The following FBN2 variants were observed in gnomAD, a reference collection of about 807,000 sequenced individuals.
FBN2 encodes the protein fibrillin-2.
FBN2 carries 105 observed loss-of-function variants against 355.6 expected under a neutral mutation model. The ratio of observed to expected loss-of-function variants is 0.30; its 90% CI spans 0.25 to 0.35. The LOEUF (loss-of-function observed/expected upper bound fraction) is 0.35. FBN2 is among the 10% of genes least tolerant of loss of function. The pLI is 1.00. For missense variants in FBN2, 3,280 were observed against 3,758.7 expected, an observed-to-expected ratio of 0.87 and a Z score of 3.33; for synonymous variants, 1,350 against 1,301.2, an observed-to-expected ratio of 1.04 and a Z score of -0.81.
intron 31 of FBN2, among the ~76,000 whole-genome samples, chr5:128,333,906 T>C (rs989030161): frequency 1.3e-5 from 2 of 149,084 alleles, no homozygotes; most frequent in African/African-American, 4.9e-5. Flanking sequence ...CTGTCAGTGG[T>C]GAACATGCAA....
intron 25 of FBN2, among the ~76,000 whole-genome samples, chr5:128,341,500 G>A (rs746209000): frequency 3.3e-5 from 5 of 152,160 alleles, no homozygotes; most frequent in African/African-American, 7.2e-5. Flanking sequence ...TGGTAGTGTC[G>A]CTGGCAGAAA....
intron 12 of FBN2, 32 bp from the exon 13 acceptor site, chr5:128,377,909 C>A (rs1267226651): frequency 6.3e-7 from 1 of 1,587,142 alleles, no homozygotes; most frequent in Admixed American, 1.7e-5. Context: ...AAACATCATT[C>A]TTTTACAATA....
At chr5:128,536,753 T>C (rs2112809664) in intron 1 of FBN2, among the ~76,000 whole-genome samples, 1 of 152,218 alleles carries the variant, frequency 6.6e-6, no homozygotes. Context: ...CATGGAAACA[T>C]ATAATTTGCT....
chr5:128,512,218 G>A (rs1756148842), intron 5 of FBN2, among the ~76,000 whole-genome samples: 2 of 152,082 alleles, frequency 1.3e-5, no homozygotes, highest in African/African-American at 4.8e-5. Context: ...TTTTATCTAA[G>A]ACAGCATATC....
At chr5:128,478,227 G>C (rs140453782) in intron 5 of FBN2, among the ~76,000 whole-genome samples, 1 of 152,110 alleles carries the variant, frequency 6.6e-6, no homozygotes, top group Non-Finnish European at 1.5e-5. Context: ...GACAATACTG[G>C]CCAAGTGTCT....
intron 7 of FBN2, among the ~76,000 whole-genome samples, chr5:128,411,176 A>G (rs1385459344): frequency 6.6e-6 from 1 of 152,132 alleles, no homozygotes; most frequent in African/African-American, 2.4e-5. Context: ...GGATGCCGGC[A>G]GGAACAAACC....
intron 5 of FBN2, among the ~76,000 whole-genome samples, chr5:128,465,752 T>C (rs958636078): frequency 6.6e-6 from 1 of 152,200 alleles, no homozygotes; most frequent in South Asian, 2.1e-4. Context: ...AGTAAATGTA[T>C]GGCATGTGTG....
intron 6 of FBN2, among the ~76,000 whole-genome samples, chr5:128,447,073 T>G (rs1754085161): frequency 6.6e-6 from 1 of 152,226 alleles, no homozygotes; most frequent in Non-Finnish European, 1.5e-5. Context: ...TGTCTGTCTT[T>G]ACTTTAATCT....
chr5:128,485,430 G>A (rs1216262768), intron 5 of FBN2, among the ~76,000 whole-genome samples: 1 of 152,068 alleles, frequency 6.6e-6, no homozygotes, highest in Non-Finnish European at 1.5e-5. Flanking sequence ...GCAAATTGCT[G>A]TACATTTATG....
At chr5:128,312,548 C>T (rs2126847453) in intron 37 of FBN2, 86 bp downstream of exon 37, 1 of 1,481,502 alleles carries the variant, frequency 6.7e-7, no homozygotes, top group South Asian at 1.2e-5. Flanking sequence ...TCACTAAACA[C>T]TCCTCACTCC....
chr5:128,294,403 G>C (rs995922336), intron 48 of FBN2, among the ~76,000 whole-genome samples: 8 of 152,146 alleles, frequency 5.3e-5, no homozygotes, highest in African/African-American at 1.9e-4. Flanking sequence ...GATCCCTGAG[G>C]AATCGCCACA....
At chr5:128,407,522 T>A (rs1752957080) in intron 8 of FBN2, among the ~76,000 whole-genome samples, 1 of 152,188 alleles carries the variant, frequency 6.6e-6, no homozygotes, top group Admixed American at 6.5e-5. Context: ...TTACACACGG[T>A]ATGTGTAATA....
intron 59 of FBN2, among the ~76,000 whole-genome samples, chr5:128,275,126 G>A (rs559536063): frequency 2.0e-5 from 3 of 152,142 alleles, no homozygotes; most frequent in East Asian, 1.9e-4. Flanking sequence ...ATGAAAACAC[G>A]GGCATTAATA....
intron 34 of FBN2, among the ~76,000 whole-genome samples, chr5:128,327,458 T>C (rs1168023928): frequency 6.6e-6 from 1 of 152,174 alleles, no homozygotes; most frequent in Admixed American, 6.6e-5. Context: ...TGTGTGTATA[T>C]GTGTGTGTGC....
At chr5:128,327,942 C>CT (rs1750599393) in intron 34 of FBN2, 1 of 152,312 alleles carries the variant, frequency 6.6e-6, no homozygotes, top group Admixed American at 6.5e-5. Context: ...CTGGCCCAAA[C>CT]TGAGTTTTTT....
chr5:128,513,864 C>T (rs1044642718), intron 5 of FBN2, among the ~76,000 whole-genome samples: 12 of 151,938 alleles, frequency 7.9e-5, no homozygotes, highest in African/African-American at 2.9e-4. Flanking sequence ...TCCCTCTGTT[C>T]TTAATGGCAT....
Position 128,378,899 on chromosome 5 carries a change from AG to A in FBN2, c.1604-10del, listed in dbSNP as rs1483682598. 1 of 1,612,938 alleles carries A rather than the reference AG, an allele frequency of 6.2e-7. No homozygotes were observed. Among genetic ancestry groups the A allele is most frequent in the African/African-American group, 1.3e-5 (1 of 74,986 alleles). ...TGTGCATTCATCAACATCTGTGAGC[AG>A]CAAAAGAAACCATTATAGACTTCAC... On this transcript the variant is annotated splice_polypyrimidine_tract_variant and intron_variant, in intron 11 of 64. Coordinates refer to ENST00000262464, the MANE Select transcript of FBN2 (RefSeq NM_001999.4).
intron 7 of FBN2, among the ~76,000 whole-genome samples, chr5:128,441,303 A>G (rs1184245847): frequency 6.6e-6 from 1 of 152,192 alleles, no homozygotes; most frequent in South Asian, 2.1e-4. Context: ...TGCTGTCTCC[A>G]TGAGTTTCCC....
chr5:128,481,451 A>G (rs1755185657), intron 5 of FBN2, among the ~76,000 whole-genome samples: 1 of 152,188 alleles, frequency 6.6e-6, no homozygotes, highest in Non-Finnish European at 1.5e-5. Flanking sequence ...AGGCCCAGGT[A>G]GGAAGGGATT....
Sources: gnomAD v4.1 joint callset for allele counts (sites outside exome capture counted in the v4.1 genomes callset) on GRCh38, gnomAD v4.1.1 for gene constraint, MANE v1.5 for transcripts, NCBI Gene and HGNC (gene_info 2026-07-23, HGNC 2026-07-21) for gene names.